LRP1B: variants seen among roughly 807,000 people sequenced by gnomAD.
The protein encoded by LRP1B is low-density lipoprotein receptor-related protein 1B.
Under a neutral mutation model 556.6 loss-of-function variants are expected in LRP1B, and 217 were observed. The ratio of observed to expected loss-of-function variants is 0.39; its 90% CI spans 0.35 to 0.44. The LOEUF is 0.44. LRP1B is among the 20% of genes least tolerant of loss of function. The pLI is 1.00. For missense variants in LRP1B, 5,053 were observed against 5,620.8 expected, an observed-to-expected ratio of 0.90 and a Z score of 3.23; for synonymous variants, 2,047 against 1,865.8, an observed-to-expected ratio of 1.10 and a Z score of -2.50.
At chr2:141,992,085 C>T (rs1053925617) in intron 1 of LRP1B, among the ~76,000 whole-genome samples, 2 of 152,110 alleles carry the variant, frequency 1.3e-5, no homozygotes, top group African/African-American at 4.8e-5. Flanking sequence ...ACTTTAATCT[C>T]TAGTATAATA....
At chr2:141,327,231 A>G (rs1256545910) in intron 3 of LRP1B, among the ~76,000 whole-genome samples, 2 of 152,200 alleles carry the variant, frequency 1.3e-5, no homozygotes, top group Non-Finnish European at 2.9e-5. Context: ...AAATTGAGTT[A>G]CCTGAAGGAC....
At chr2:142,092,542 T>C (rs1188614715) in intron 1 of LRP1B, among the ~76,000 whole-genome samples, 2 of 152,128 alleles carry the variant, frequency 1.3e-5, no homozygotes, top group Non-Finnish European at 2.9e-5. Context: ...CAATGCTTTC[T>C]AGGTACAGCA....
At chr2:141,133,584 A>T (rs769025253) in intron 7 of LRP1B, among the ~76,000 whole-genome samples, 7 of 152,064 alleles carry the variant, frequency 4.6e-5, no homozygotes, top group Non-Finnish European at 8.8e-5. Context: ...CTGGCACAGC[A>T]TAAGCACCCT....
At chr2:141,925,485 G>A (rs577134067) in intron 1 of LRP1B, among the ~76,000 whole-genome samples, 8 of 152,264 alleles carry the variant, frequency 5.3e-5, no homozygotes, top group African/African-American at 1.9e-4. Context: ...TAAGCTAAAG[G>A]AGAGGAATTC....
chr2:140,870,024 T>A (rs1693076813), intron 25 of LRP1B, among the ~76,000 whole-genome samples: 1 of 152,084 alleles, frequency 6.6e-6, no homozygotes, highest in Non-Finnish European at 1.5e-5. Flanking sequence ...AGGGAGGGAC[T>A]CTCTTTCTGG....
intron 1 of LRP1B, among the ~76,000 whole-genome samples, chr2:141,926,431 T>A (rs1216599020): frequency 1.3e-5 from 2 of 152,162 alleles, no homozygotes; most frequent in East Asian, 3.8e-4. Flanking sequence ...AGAAACTAAG[T>A]AGCCAACTGA....
At chr2:140,844,195 G>T (rs1692204887) in intron 29 of LRP1B, among the ~76,000 whole-genome samples, 1 of 151,922 alleles carries the variant, frequency 6.6e-6, no homozygotes, top group African/African-American at 2.4e-5. Flanking sequence ...CCGAGTAGCT[G>T]GGATTACAGG....
intron 86 of LRP1B, among the ~76,000 whole-genome samples, chr2:140,257,758 A>G (rs1681759904): frequency 6.6e-6 from 1 of 152,174 alleles, no homozygotes; most frequent in Non-Finnish European, 1.5e-5. Context: ...AGGGACATAC[A>G]ATGTCCTGAC....
intron 41 of LRP1B, among the ~76,000 whole-genome samples, chr2:140,638,323 A>C (rs1684147407): frequency 6.6e-6 from 1 of 152,166 alleles, no homozygotes; most frequent in South Asian, 2.1e-4. Context: ...AAATCACTTA[A>C]TCGTCACAAG....
At chr2:141,234,148 T>C (rs1683570743) in intron 5 of LRP1B, among the ~76,000 whole-genome samples, 8 of 151,770 alleles carry the variant, frequency 5.3e-5, no homozygotes, top group Admixed American at 4.6e-4. Context: ...TTTAAGCCAG[T>C]AATGAACTTC....
At chr2:140,433,365 T>C (rs916196779) in intron 66 of LRP1B, among the ~76,000 whole-genome samples, 2 of 152,180 alleles carry the variant, frequency 1.3e-5, no homozygotes, top group African/African-American at 4.8e-5. Flanking sequence ...CCCAAAATGC[T>C]AGAAGTACAA....
At chr2:141,249,822 A>C (rs1684197162) in intron 4 of LRP1B, among the ~76,000 whole-genome samples, 1 of 152,152 alleles carries the variant, frequency 6.6e-6, no homozygotes, top group Non-Finnish European at 1.5e-5. Flanking sequence ...ACTGATGTTG[A>C]TGTAATGTAG....
intron 40 of LRP1B, among the ~76,000 whole-genome samples, chr2:140,701,362 T>C (rs1021923796): frequency 2.6e-5 from 4 of 152,094 alleles, no homozygotes; most frequent in African/African-American, 9.7e-5. Flanking sequence ...ATGATTCATA[T>C]TATGTATAAA....
intron 5 of LRP1B, among the ~76,000 whole-genome samples, chr2:141,240,242 G>A (rs1187638796): frequency 6.6e-6 from 1 of 152,058 alleles, no homozygotes; most frequent in African/African-American, 2.4e-5. Flanking sequence ...GCTCTCCAGG[G>A]GAAGGAGTGC....
At chr2:142,063,310 T>TA (rs1407338238) in intron 1 of LRP1B, among the ~76,000 whole-genome samples, 8 of 151,694 alleles carry the variant, frequency 5.3e-5, no homozygotes, top group African/African-American at 1.9e-4. Context: ...ATGGAAGTGG[T>TA]ATGAAAGCCA....
At position 140,324,080 on chromosome 2, in the gene LRP1B, AAGGCAGTTATGAAAGTTTTAATGT is replaced by A. The variant is rs753846321; in HGVS notation, c.12341-38_12341-15del. ...GATGTAATAAACCTGGAATTTTAAA[AAGGCAGTTATGAAAGTTTTAATGT>A]ATATACTCAGACTTTAAAAACTATG... On this transcript the variant is annotated splice_polypyrimidine_tract_variant and intron_variant, in intron 80 of 90. Transcript: ENST00000389484. 1.1e-5 allele frequency: 17 copies of A among 1,576,606 alleles called. No homozygotes were observed. The highest frequency in any genetic ancestry group is 1.4e-5 in the Non-Finnish European group (16 of 1,150,054).
intron 2 of LRP1B, among the ~76,000 whole-genome samples, chr2:141,527,791 G>A (rs1173926029): frequency 6.6e-6 from 1 of 152,090 alleles, no homozygotes; most frequent in African/African-American, 2.4e-5. Flanking sequence ...TACCTATTTT[G>A]CTGTAAATAT....
chr2:140,484,682 G>A (rs1007374498), intron 59 of LRP1B, among the ~76,000 whole-genome samples: 1 of 152,052 alleles, frequency 6.6e-6, no homozygotes, highest in African/African-American at 2.4e-5. Context: ...GAATTATAAT[G>A]GTCATAATCT....
chr2:141,028,843 G>A (rs935767886), intron 11 of LRP1B, among the ~76,000 whole-genome samples: 17 of 152,106 alleles, frequency 1.1e-4, no homozygotes, highest in Non-Finnish European at 2.5e-4. Context: ...GCAAAACAAA[G>A]AAAATCTCTT....
Sources: allele counts gnomAD v4.1 joint callset (sites outside exome capture counted in the v4.1 genomes callset), GRCh38; gene constraint gnomAD v4.1.1; transcripts MANE v1.5; gene names NCBI Gene and HGNC (gene_info 2026-07-23, HGNC 2026-07-21).